The following ZBTB20 variants were observed in gnomAD, a reference collection of about 807,000 sequenced individuals.
ZBTB20 encodes the protein zinc finger and BTB domain-containing protein 20.
Under a neutral mutation model 56.9 loss-of-function variants are expected in ZBTB20, and 9 were observed. The ratio of observed to expected loss-of-function variants is 0.16; its 90% CI spans 0.10 to 0.28. The LOEUF (loss-of-function observed/expected upper bound fraction) is 0.28. ZBTB20 is among the 10% of genes least tolerant of loss of function. The pLI is 1.00. For missense variants in ZBTB20, 655 were observed against 1,003.0 expected (o/e 0.65, Z 4.69); for synonymous variants, 417 against 420.7 (o/e 0.99, Z 0.11).
At chr3:114,451,727 T>C (rs2091622807) in intron 7 of ZBTB20, among the ~76,000 whole-genome samples, 3 of 152,152 alleles carry the variant, frequency 2.0e-5, no homozygotes, top group Admixed American at 2.0e-4. Flanking sequence ...TCATATGATA[T>C]CTGATAGTGC....
intron 6 of ZBTB20, among the ~76,000 whole-genome samples, chr3:114,616,338 G>A (rs978843723): frequency 6.6e-6 from 1 of 152,148 alleles, no homozygotes; most frequent in African/African-American, 2.4e-5. Context: ...CTCCCTTGAT[G>A]CCGATTAAAT....
rs2074581878 is a variant in ZBTB20 at position 114,844,542 on chromosome 3, A to AAAAAAC, written c.-416-43369_-416-43368insGTTTTT. 2.1e-5 allele frequency among the ~76,000 whole-genome samples: 3 copies of AAAAAAC among 140,586 alleles called. 1 individual carries two copies. The highest frequency in any genetic ancestry group is 5.5e-5 in the African/African-American group (2 of 36,402). 92.2% of individuals were successfully genotyped at this position (140,586 alleles called of 152,430 possible). A position where few individuals can be genotyped will look rare whatever the true frequency, so the allele number is the denominator to read the frequency against. ...TCTCAAAAAAAAAAAAAAAAAAAAA[A>AAAAAAC]AAAAAAAAAACTTTCATTTCTCTTG... On this transcript the variant is annotated intron_variant, in intron 4 of 11. Coordinates refer to ENST00000675478, the MANE Select transcript of ZBTB20 (RefSeq NM_001348800.3).
At chr3:115,105,774 T>TA (rs1465970821) in intron 1 of ZBTB20, among the ~76,000 whole-genome samples, 2 of 152,172 alleles carry the variant, frequency 1.3e-5, no homozygotes, top group Non-Finnish European at 2.9e-5. Context: ...AGAAAGGAAT[T>TA]AAAAAAGCAA....
At chr3:114,349,124 C>T (rs145810601) in intron 11 of ZBTB20, among the ~76,000 whole-genome samples, 1,645 of 149,532 alleles carry the variant, frequency 0.011, 34 homozygotes, top group African/African-American at 0.038. Flanking sequence ...TGCTTCAGTC[C>T]GGGAGGTTGA....
chr3:114,573,601 AAAG>A (rs992341066), intron 6 of ZBTB20, among the ~76,000 whole-genome samples: 16 of 152,022 alleles, frequency 1.1e-4, no homozygotes, highest in African/African-American at 3.9e-4. Flanking sequence ...AAAGAAAAGA[AAAG>A]AAAAGAAAAA....
At position 114,409,795 on chromosome 3, in the gene ZBTB20, A is replaced by C. The variant is rs971006495; in HGVS notation, c.-254-20690T>G. On this transcript the variant is annotated intron_variant, in intron 7 of 11. Transcript: ENST00000675478. ...CTCAGAAAGATGCTTCTTATGAAAC[A>C]CTTGAAATTTCATAAGTTATAGAAT... Among the ~76,000 whole-genome samples, 4 of 152,326 alleles carry C rather than the reference A, an allele frequency of 2.6e-5. No individual in the cohort carries two copies. The South Asian group carries it at 8.3e-4, about 32-fold the overall frequency.
At position 114,350,879 on chromosome 3, in the gene ZBTB20, C is replaced by T. The variant is rs1238679305; in HGVS notation, c.1199G>A (p.Arg400Gln). Residue 400 changes from arginine to glutamine, a missense_variant, in exon 11 of 12, where the codon CGG (arginine) becomes CAG (glutamine). Around this residue, in one of 10 missense-constraint regions of ZBTB20, gnomAD observed 156 missense variants for 181.0 expected, o/e 0.86. Transcript: ENST00000675478. ...VEQQFGPGAARDSQAEPTQPE... is the reference protein window; with the variant it reads ...VEQQFGPGAAQDSQAEPTQPE... ...TTGGGTGGGTTCAGCCTGGCTGTCCCGCGCCGCCCCAGGCCCAAACTGCTG... is the reference window on the plus strand; with the variant it reads ...TTGGGTGGGTTCAGCCTGGCTGTCCTGCGCCGCCCCAGGCCCAAACTGCTG... 6.2e-6 allele frequency: 10 copies of T among 1,608,154 alleles called. No individual in the cohort carries two copies. The highest frequency in any genetic ancestry group is 4.0e-5 in the African/African-American group (3 of 74,854).
intron 2 of ZBTB20, among the ~76,000 whole-genome samples, chr3:115,041,632 T>C (rs904413528): frequency 3.9e-5 from 6 of 152,202 alleles, no homozygotes; most frequent in African/African-American, 1.4e-4. Context: ...TATTTAGTTA[T>C]ACCAAGGAAT....
chr3:114,668,952 TC>T (rs1214540511), intron 6 of ZBTB20, among the ~76,000 whole-genome samples: 1 of 151,948 alleles, frequency 6.6e-6, no homozygotes. Flanking sequence ...TTTTCTATAC[TC>T]CATTATAAAC....
At chr3:114,340,904 G>C (rs1407385612) in intron 11 of ZBTB20, among the ~76,000 whole-genome samples, 1 of 152,146 alleles carries the variant, frequency 6.6e-6, no homozygotes, top group Non-Finnish European at 1.5e-5. Flanking sequence ...TTATGAAATA[G>C]GAGAGCTTTG....
intron 7 of ZBTB20, among the ~76,000 whole-genome samples, chr3:114,479,881 T>A (rs980565749): frequency 1.3e-5 from 2 of 152,168 alleles, no homozygotes; most frequent in African/African-American, 2.4e-5. Flanking sequence ...TAAGTAAGAA[T>A]TGAGTGAGAC....
chr3:114,750,784 G>A (rs1048800483), intron 5 of ZBTB20, among the ~76,000 whole-genome samples: 4 of 152,168 alleles, frequency 2.6e-5, no homozygotes, highest in African/African-American at 7.2e-5. Context: ...AGCCTTTTGA[G>A]CTTTAAAATG....
chr3:114,350,302 G>A lies in ZBTB20; in HGVS notation c.1776C>T (p.Asn592=), dbSNP rs77968850. Residue 592 remains asparagine, a synonymous_variant, in exon 11 of 12, where the codon AAC becomes AAT. Coordinates refer to ENST00000675478, the MANE Select transcript of ZBTB20 (RefSeq NM_001348800.3). ...LCNKTFTAKQ[N]YVKHMFVHTG... ...TGTGTACGAACATGTGCTTGACGTA[G>A]TTCTGTTTGGCGGTGAAAGTCTTGT... is the stretch of plus-strand genomic sequence containing the variant. 3 of 1,612,092 alleles carry A rather than the reference G, an allele frequency of 1.9e-6. No individual in the cohort carries two copies. The highest frequency in any genetic ancestry group is 2.2e-5 in the South Asian group (2 of 90,964).
At chr3:115,033,993 GA>G (rs899358114) in intron 2 of ZBTB20, among the ~76,000 whole-genome samples, 5 of 151,306 alleles carry the variant, frequency 3.3e-5, no homozygotes, top group African/African-American at 4.8e-5. Context: ...AAAATAAAGG[GA>G]AAAAACAATA....
chr3:114,710,724 C>T (rs2064015858), intron 5 of ZBTB20, among the ~76,000 whole-genome samples: 1 of 152,194 alleles, frequency 6.6e-6, no homozygotes, highest in Non-Finnish European at 1.5e-5. Flanking sequence ...ATGATAACTA[C>T]TACATGCTCT....
At chr3:115,052,136 C>A (rs768834311) in intron 2 of ZBTB20, among the ~76,000 whole-genome samples, 37 of 151,910 alleles carry the variant, frequency 2.4e-4, no homozygotes, top group Non-Finnish European at 2.6e-4. Context: ...ACTTTAGCCA[C>A]AATTTAATGA....
chr3:114,713,132 C>G (rs746575151), intron 5 of ZBTB20, among the ~76,000 whole-genome samples: 2 of 152,028 alleles, frequency 1.3e-5, no homozygotes, highest in Admixed American at 6.6e-5. Context: ...CTCTTCATTT[C>G]CCCTCGATGT....
At chr3:114,912,828 A>T (rs1208664518) in intron 3 of ZBTB20, among the ~76,000 whole-genome samples, 1 of 151,838 alleles carries the variant, frequency 6.6e-6, no homozygotes, top group African/African-American at 2.4e-5. Context: ...CAATTGTTTT[A>T]ATTTTTAGCT....
chr3:114,391,959 G>A (rs1158865856), intron 7 of ZBTB20, among the ~76,000 whole-genome samples: 1 of 152,136 alleles, frequency 6.6e-6, no homozygotes, highest in East Asian at 1.9e-4. Context: ...TGTGTAACCT[G>A]CAAAAATATA....
Sources: gnomAD v4.1 joint callset for allele counts (sites outside exome capture counted in the v4.1 genomes callset) on GRCh38, gnomAD v4.1.1 for gene constraint, gnomAD v4.1.1 regional missense constraint, MANE v1.5 for transcripts, NCBI Gene and HGNC (gene_info 2026-07-23, HGNC 2026-07-21) for gene names.